Variants in CTNNA3 observed in about 807,000 individuals in gnomAD.
The protein encoded by CTNNA3 is catenin alpha-3.
CTNNA3 carries 76 observed loss-of-function variants against 95.7 expected under a neutral mutation model. The ratio of observed to expected loss-of-function variants is 0.79; its 90% CI spans 0.66 to 0.96. CTNNA3 has a LOEUF of 0.96. CTNNA3 is among the 40% of genes least tolerant of loss of function. The pLI is 0.00. For synonymous variants in CTNNA3, 431 were observed against 374.4 expected (o/e 1.15, Z -1.74); for missense variants, 1,191 against 1,089.8 (o/e 1.09, Z -1.31).
chr10:66,171,561 T>A (rs1564726583), intron 13 of CTNNA3, among the ~76,000 whole-genome samples: 1 of 150,508 alleles, frequency 6.6e-6, no homozygotes, highest in African/African-American at 2.4e-5. Flanking sequence ...AAAAAAAAAT[T>A]TAATATAAAA....
intron 9 of CTNNA3, among the ~76,000 whole-genome samples, chr10:66,758,862 G>A (rs1839483033): frequency 6.6e-6 from 1 of 152,082 alleles, no homozygotes; most frequent in South Asian, 2.1e-4. Flanking sequence ...TTGAATCCAG[G>A]AGGCAGAGGT....
chr10:66,689,684 C>A (rs1420776694), intron 9 of CTNNA3, among the ~76,000 whole-genome samples: 2 of 152,062 alleles, frequency 1.3e-5, no homozygotes, highest in Non-Finnish European at 2.9e-5. Flanking sequence ...TTGCCTCACT[C>A]CTTAATGAGG....
intron 11 of CTNNA3, among the ~76,000 whole-genome samples, chr10:66,511,457 T>C (rs911416154): frequency 9.8e-5 from 12 of 122,124 alleles, no homozygotes; most frequent in Non-Finnish European, 2.0e-4. Context: ...GGTGTATCAC[T>C]AGGTTATTTG....
In CTNNA3 at chr10:65,916,349, CA is replaced by C. The variant is rs1484377268; in HGVS notation, c.*3980del. On this transcript the variant is annotated 3_prime_UTR_variant, in exon 18 of 18. Transcript: ENST00000433211. ...GGCCAACAAAAGAAAGTACAGATTTCATTCAAATTCAGATTCTGGTGCCTGC... is the reference window on the plus strand; with the variant it reads ...GGCCAACAAAAGAAAGTACAGATTTCTTCAAATTCAGATTCTGGTGCCTGC... 2 of 152,104 alleles carry C rather than the reference CA, an allele frequency of 1.3e-5. No homozygotes were observed. The highest frequency in any genetic ancestry group is 2.9e-5 in the Non-Finnish European group (2 of 68,012). 9.4% of individuals were successfully genotyped at this position (152,104 alleles called of 1,614,324 possible).
chr10:67,150,667 C>G (rs1473556481), intron 7 of CTNNA3, among the ~76,000 whole-genome samples: 2 of 152,160 alleles, frequency 1.3e-5, no homozygotes, highest in East Asian at 3.9e-4. Context: ...TAAGAACATT[C>G]TCTTTTCAAT....
chr10:67,151,144 C>G (rs1319439570), intron 7 of CTNNA3, among the ~76,000 whole-genome samples: 1 of 151,920 alleles, frequency 6.6e-6, no homozygotes, highest in Non-Finnish European at 1.5e-5. Flanking sequence ...TCCAATAGTG[C>G]TTGTTTTTCT....
At chr10:66,342,368 T>C (rs7920760) in intron 12 of CTNNA3, among the ~76,000 whole-genome samples, 6,687 of 152,094 alleles carry the variant, frequency 0.044, 470 homozygotes, top group African/African-American at 0.15. Flanking sequence ...AATACATCCA[T>C]TTATTCATTT....
intron 12 of CTNNA3, among the ~76,000 whole-genome samples, chr10:66,316,956 C>T (rs180922319): frequency 1.3e-5 from 2 of 151,966 alleles, no homozygotes; most frequent in South Asian, 2.1e-4. Flanking sequence ...AATTGAATAG[C>T]AGACTAATTA....
At chr10:66,275,944 G>C (rs910357777) in intron 13 of CTNNA3, among the ~76,000 whole-genome samples, 6 of 152,104 alleles carry the variant, frequency 3.9e-5, no homozygotes, top group Non-Finnish European at 8.8e-5. Context: ...GTTCATTCCT[G>C]TAGGTGAAAT....
intron 5 of CTNNA3, among the ~76,000 whole-genome samples, chr10:67,325,521 C>A (rs767967009): frequency 1.9e-4 from 29 of 151,988 alleles, no homozygotes; most frequent in Non-Finnish European, 3.2e-4. Flanking sequence ...TTATTCAATT[C>A]CCATGAAATT....
chr10:66,111,582 A>C (rs914885038), intron 13 of CTNNA3, among the ~76,000 whole-genome samples: 1 of 152,238 alleles, frequency 6.6e-6, no homozygotes, highest in Non-Finnish European at 1.5e-5. Flanking sequence ...GAAGGAAATA[A>C]AACACAATCC....
At position 66,725,164 on chromosome 10, in the gene CTNNA3, G is replaced by C. The variant is rs188809600; in HGVS notation, c.1281+41100C>G. On this transcript the variant is annotated intron_variant, in intron 9 of 17. Coordinates refer to ENST00000433211, the MANE Select transcript of CTNNA3 (RefSeq NM_013266.4). ...GAAAGGAAAAGTTTGTACATGTTCA[G>C]TACACACACAACTACTATAGACCTA... Among the ~76,000 whole-genome samples the C allele has an allele frequency of 2.4e-3, 365 of 152,206 alleles. 1 individual carries two copies. The highest frequency in any genetic ancestry group is 8.6e-3 in the African/African-American group (358 of 41,546).
intron 7 of CTNNA3, among the ~76,000 whole-genome samples, chr10:66,889,608 A>G (rs1255727176): frequency 3.9e-5 from 6 of 152,204 alleles, no homozygotes; most frequent in Admixed American, 3.9e-4. Flanking sequence ...GGTAGCAGGT[A>G]CTTGCAAGAA....
chr10:67,031,527 G>A (rs989264971), intron 7 of CTNNA3, among the ~76,000 whole-genome samples: 5 of 152,172 alleles, frequency 3.3e-5, no homozygotes, highest in Non-Finnish European at 7.3e-5. Context: ...ATACTGCCAA[G>A]TAATGTCACT....
chr10:67,142,034 G>A (rs1425295108), intron 7 of CTNNA3, among the ~76,000 whole-genome samples: 1 of 151,738 alleles, frequency 6.6e-6, no homozygotes, highest in South Asian at 2.1e-4. Context: ...CCATATGCTT[G>A]ATTTATAAAA....
chr10:67,584,474 C>T (rs1842546161), intron 3 of CTNNA3, among the ~76,000 whole-genome samples: 1 of 152,188 alleles, frequency 6.6e-6, no homozygotes, highest in Non-Finnish European at 1.5e-5. Context: ...TTCAGTCAGA[C>T]CCTCCTGGGA....
intron 7 of CTNNA3, among the ~76,000 whole-genome samples, chr10:66,819,345 C>T (rs563692455): frequency 1.1e-4 from 16 of 151,918 alleles, no homozygotes; most frequent in African/African-American, 2.4e-4. Context: ...TAACTTAAAA[C>T]GAATCAAAGA....
chr10:66,150,887 T>C (rs971417738), intron 13 of CTNNA3, among the ~76,000 whole-genome samples: 2 of 152,078 alleles, frequency 1.3e-5, no homozygotes, highest in African/African-American at 2.4e-5. Flanking sequence ...CAGTGTAGCA[T>C]TGTAAGTGTA....
chr10:66,761,057 C>G (rs1839580913), intron 9 of CTNNA3, among the ~76,000 whole-genome samples: 1 of 152,076 alleles, frequency 6.6e-6, no homozygotes, highest in Non-Finnish European at 1.5e-5. Flanking sequence ...TCAAACATAT[C>G]CTTATTTGAT....
Sources: allele counts gnomAD v4.1 joint callset (sites outside exome capture counted in the v4.1 genomes callset), GRCh38; gene constraint gnomAD v4.1.1; transcripts MANE v1.5; gene names NCBI Gene and HGNC (gene_info 2026-07-23, HGNC 2026-07-21).